CLYBL: variants seen among roughly 807,000 people sequenced by gnomAD.
CLYBL encodes the protein citramalyl-CoA lyase.
CLYBL carries 31 observed loss-of-function variants against 38.9 expected under a neutral mutation model. That is an observed-to-expected ratio of 0.80 (90% CI 0.60 to 1.08). CLYBL has a LOEUF of 1.08. Among genes scored for constraint, CLYBL ranks in the 50% least tolerant of loss-of-function variants. CLYBL has a pLI of 0.00. For synonymous variants in CLYBL, 171 were observed against 158.6 expected (o/e 1.08, Z -0.59); for missense variants, 434 against 411.6 (o/e 1.05, Z -0.47).
chr13:99,866,122 C>T (rs2051735632), intron 5 of CLYBL, 118 bp from the exon 6 acceptor site: 11 of 984,328 alleles, frequency 1.1e-5, no homozygotes, highest in East Asian at 2.4e-5. Context: ...TTTTATTTTG[C>T]GGAGGAGCAA....
chr13:99,880,897 C>T (rs2052188858), intron 7 of CLYBL, among the ~76,000 whole-genome samples: 1 of 152,230 alleles, frequency 6.6e-6, no homozygotes, highest in Non-Finnish European at 1.5e-5. Context: ...GAAAATGAAT[C>T]CACTAACTGC....
At chr13:99,685,552 T>C (rs978134596) in intron 1 of CLYBL, among the ~76,000 whole-genome samples, 4 of 152,174 alleles carry the variant, frequency 2.6e-5, no homozygotes, top group South Asian at 2.1e-4. Flanking sequence ...GAAACCGATA[T>C]AATTTAAGCA....
At chr13:99,737,866 G>A (rs375640584) in intron 1 of CLYBL, among the ~76,000 whole-genome samples, 22 of 152,262 alleles carry the variant, frequency 1.4e-4, no homozygotes, top group African/African-American at 2.6e-4. Context: ...GCTACTGTGC[G>A]CGTCAATTTT....
At chr13:99,768,192 CTTTTTTT>C (rs58499426) in intron 1 of CLYBL, among the ~76,000 whole-genome samples, 4 of 102,706 alleles carry the variant, frequency 3.9e-5, no homozygotes, top group African/African-American at 1.5e-4. Flanking sequence ...TTTTCTTTTT[CTTTTTTT>C]TTTTTTTTTT....
chr13:99,781,521 G>A (rs543017944), intron 2 of CLYBL, among the ~76,000 whole-genome samples: 4 of 152,092 alleles, frequency 2.6e-5, no homozygotes, highest in Non-Finnish European at 5.9e-5. Flanking sequence ...TGTTGCCCAG[G>A]CTGGAGTGCA....
At chr13:99,629,007 G>T (rs1207988103) in intron 1 of CLYBL, among the ~76,000 whole-genome samples, 3 of 152,230 alleles carry the variant, frequency 2.0e-5, no homozygotes, top group Non-Finnish European at 4.4e-5. Context: ...TTGAAACAGC[G>T]ACTGCCGCCC....
At chr13:99,619,210 G>A (rs1268620257) in intron 1 of CLYBL, among the ~76,000 whole-genome samples, 2 of 152,188 alleles carry the variant, frequency 1.3e-5, no homozygotes, top group Non-Finnish European at 2.9e-5. Flanking sequence ...CATGAGGGCT[G>A]TGCCTCATGA....
At chr13:99,707,066 A>C (rs1037290325) in intron 1 of CLYBL, among the ~76,000 whole-genome samples, 1 of 152,108 alleles carries the variant, frequency 6.6e-6, no homozygotes, top group African/African-American at 2.4e-5. Context: ...CCCCCAAGAC[A>C]AGATAGAAGC....
intron 1 of CLYBL, among the ~76,000 whole-genome samples, chr13:99,684,504 A>G (rs553881922): frequency 6.6e-6 from 1 of 152,332 alleles, no homozygotes; most frequent in African/African-American, 2.4e-5. Context: ...TTCCGACCAC[A>G]TGAATGAACC....
At chr13:99,900,082 A>G (rs763467496), downstream of CLYBL, among the ~76,000 whole-genome samples, 5 of 152,072 alleles carry the variant, frequency 3.3e-5, no homozygotes, top group Non-Finnish European at 5.9e-5. Flanking sequence ...GCACACCACA[A>G]CAACCTGCTA....
At chr13:99,714,434 T>C (rs756582596) in intron 1 of CLYBL, among the ~76,000 whole-genome samples, 2 of 150,744 alleles carry the variant, frequency 1.3e-5, no homozygotes, top group Non-Finnish European at 3.0e-5. Context: ...CTGGCCAACA[T>C]GGTGAAACCC....
chr13:99,822,833 C>T (rs1231395937), intron 2 of CLYBL, among the ~76,000 whole-genome samples: 2 of 152,164 alleles, frequency 1.3e-5, no homozygotes, highest in African/African-American at 4.8e-5. Flanking sequence ...AAACTACTTT[C>T]AACTGTTTTA....
rs541624567 is a variant in CLYBL, at chr13:99,856,302, A to C, written c.250-2559A>C. On this transcript the variant is annotated intron_variant, in intron 2 of 8. Coordinates refer to ENST00000339105, the MANE Select transcript of CLYBL (RefSeq NM_206808.5). Reference sequence around the variant, plus strand: ...CACCAGCCAACATTAACAATTTAGGAAGTTGATGTTGCCAGGGATCCTGCG... The same window carrying C: ...CACCAGCCAACATTAACAATTTAGGCAGTTGATGTTGCCAGGGATCCTGCG... 1.4e-3 allele frequency among the ~76,000 whole-genome samples: 213 copies of C among 152,322 alleles called. 1 individual carries two copies. The highest frequency in any genetic ancestry group is 4.8e-3 in the African/African-American group (200 of 41,572).
chr13:99,782,511 A>C (rs2049680238), intron 2 of CLYBL, among the ~76,000 whole-genome samples: 2 of 151,944 alleles, frequency 1.3e-5, no homozygotes, highest in South Asian at 2.1e-4. Flanking sequence ...TCTTGGGGGG[A>C]AAAAAGTTTA....
chr13:99,682,347 T>C (rs758278558), intron 1 of CLYBL, among the ~76,000 whole-genome samples: 1 of 152,104 alleles, frequency 6.6e-6, no homozygotes, highest in Non-Finnish European at 1.5e-5. Context: ...TTCCAACATA[T>C]TGGCCAGGCT....
chr13:99,742,457 T>G (rs976501841), intron 1 of CLYBL, among the ~76,000 whole-genome samples: 1 of 152,262 alleles, frequency 6.6e-6, no homozygotes, highest in African/African-American at 2.4e-5. Context: ...CAGAGACTTA[T>G]GCCTGTTGCC....
At position 99,651,218 on chromosome 13, in the gene CLYBL, C is replaced by T. The variant is rs1279303857; in HGVS notation, c.62+44461C>T. Among the ~76,000 whole-genome samples the T allele has an allele frequency of 2.6e-5, 4 of 152,250 alleles. No homozygotes were observed. In the South Asian group the frequency reaches 6.2e-4, roughly 24 times the overall value. ...TTAGATCCAACCACCTAGGTCATAG[C>T]GCTACTGCTGGTACCTGATTGCAGG... On this transcript the variant is annotated intron_variant, in intron 1 of 8. Transcript: ENST00000339105.
chr13:99,621,743 G>C (rs1309660798), intron 1 of CLYBL, among the ~76,000 whole-genome samples: 1 of 103,902 alleles, frequency 9.6e-6, no homozygotes, highest in Admixed American at 1.1e-4. Flanking sequence ...TAAAACATGA[G>C]ATTTTTTGGC....
chr13:99,802,023 CA>C (rs956570834), intron 2 of CLYBL, among the ~76,000 whole-genome samples: 8 of 151,714 alleles, frequency 5.3e-5, no homozygotes, highest in Admixed American at 5.2e-4. Context: ...TCTCAAAAAA[CA>C]AAAAAACAAA....
Sources: allele counts gnomAD v4.1 joint callset (sites outside exome capture counted in the v4.1 genomes callset), GRCh38; gene constraint gnomAD v4.1.1; transcripts MANE v1.5; gene names NCBI Gene and HGNC (gene_info 2026-07-23, HGNC 2026-07-21).